Variants in ACSL3 observed in about 807,000 individuals in gnomAD.
The protein encoded by ACSL3 is fatty acid CoA ligase Acsl3.
A neutral mutation model predicts 84.7 loss-of-function variants in ACSL3; 34 were observed. The observed-to-expected ratio is 0.40, with a 90% CI of 0.31 to 0.53. The LOEUF (loss-of-function observed/expected upper bound fraction) is 0.53, where lower values mean the gene tolerates loss of function less well. ACSL3 is among the 20% of genes least tolerant of loss of function. ACSL3 has a pLI of 0.48. For missense variants in ACSL3, 680 were observed against 873.1 expected (o/e 0.78, Z 2.79); for synonymous variants, 315 against 299.4 (o/e 1.05, Z -0.54).
At chr2:222,869,116 A>AC (rs1695231643) in intron 1 of ACSL3, among the ~76,000 whole-genome samples, 1 of 152,170 alleles carries the variant, frequency 6.6e-6, no homozygotes, top group Non-Finnish European at 1.5e-5. Flanking sequence ...TTGTAATATG[A>AC]CCCTGATAAT....
rs1247534807 is a variant in ACSL3, at chr2:222,943,107, A to AAAC, written c.*1455_*1456insCAA. The AAAC allele has an allele frequency of 1.3e-3, 289 of 216,012 alleles. 3 individuals carry two copies. Among genetic ancestry groups the AAAC allele is most frequent in the African/African-American group, 4.2e-3 (176 of 41,496 alleles). The allele number at this position is 216,012 out of a possible 1,614,324, so 13.4% of individuals were successfully genotyped here. ...AATCAAAAAAAAAAAAAACAAAAACAAAAAAAAAGATGAACCTAGGTCTGT... is the reference window on the plus strand; with the variant it reads ...AATCAAAAAAAAAAAAAACAAAAACAAACAAAAAAAAGATGAACCTAGGTCTGT... On this transcript the variant is annotated 3_prime_UTR_variant, in exon 17 of 17. Coordinates refer to ENST00000357430, the MANE Select transcript of ACSL3 (RefSeq NM_004457.5).
intron 16 of ACSL3, among the ~76,000 whole-genome samples, chr2:222,935,187 T>C (rs1697138960): frequency 6.6e-6 from 1 of 152,082 alleles, no homozygotes; most frequent in Non-Finnish European, 1.5e-5. Flanking sequence ...CGTGAATTAT[T>C]TTTTATTTTA....
At position 222,924,697 on chromosome 2, in the gene ACSL3, A is replaced by G. The variant is rs150562556; in HGVS notation, c.1292+102A>G. 7,749 of 1,274,398 alleles carry G rather than the reference A, an allele frequency of 6.1e-3. 36 individuals are homozygous for G. Among genetic ancestry groups the G allele is most frequent in the Non-Finnish European group, 7.4e-3 (6,887 of 935,838 alleles). 78.9% of individuals were successfully genotyped at this position (1,274,398 alleles called of 1,614,324 possible). On this transcript the variant is annotated intron_variant, in intron 11 of 16. Coordinates refer to ENST00000357430, the MANE Select transcript of ACSL3 (RefSeq NM_004457.5). The stretch of plus-strand genomic sequence containing the variant: ...ATTGAGATAGTTATAAGAAAGAAAT[A>G]TATTTCATAAAGTCAAGAGAACTCT...
At chr2:222,935,986 A>T (rs10755041) in intron 16 of ACSL3, among the ~76,000 whole-genome samples, 124,859 of 152,062 alleles carry the variant, frequency 0.82, 51,485 homozygotes, top group East Asian at 0.96. Flanking sequence ...TGATTACTTG[A>T]GGTACTTCAT....
chr2:222,898,595 C>T (rs1057163141), intron 2 of ACSL3, among the ~76,000 whole-genome samples: 7 of 152,154 alleles, frequency 4.6e-5, no homozygotes, highest in Non-Finnish European at 8.8e-5. Flanking sequence ...GAGGCCGAGG[C>T]GGGCGGATCA....
At chr2:222,866,513 G>C (rs1388513763) in intron 1 of ACSL3, among the ~76,000 whole-genome samples, 2 of 152,186 alleles carry the variant, frequency 1.3e-5, no homozygotes, top group African/African-American at 4.8e-5. Context: ...CAATTTAAGT[G>C]ACTTGCACGA....
intron 1 of ACSL3, among the ~76,000 whole-genome samples, chr2:222,866,177 G>A (rs915086929): frequency 1.3e-5 from 2 of 151,302 alleles, no homozygotes; most frequent in Non-Finnish European, 2.9e-5. Flanking sequence ...ACGGAGTCTC[G>A]CTCTGTCCCC....
Position 222,921,302 on chromosome 2 carries a change from A to G in ACSL3, c.828A>G (p.Pro276=), listed in dbSNP as rs780784837. 2.1e-5 allele frequency: 33 copies of G among 1,597,254 alleles called. No individual in the cohort carries two copies. Among genetic ancestry groups the G allele is most frequent in the Non-Finnish European group, 2.7e-5 (31 of 1,166,038 alleles). ...ASMENQPHSK[P]LPSDIAVIMY... ...CAGAAAACCAACCTCATAGCAAACC[A>G]TTGCCCTCAGATATTGCAGTAATCA... Residue 276 remains proline (P), a synonymous_variant, in exon 8 of 17, where the codon CCA becomes CCG. Coordinates refer to ENST00000357430, the MANE Select transcript of ACSL3 (RefSeq NM_004457.5).
chr2:222,896,772 G>T (rs1405497346), intron 2 of ACSL3, among the ~76,000 whole-genome samples: 1 of 17,582 alleles, frequency 5.7e-5, no homozygotes, highest in Non-Finnish European at 9.0e-5. Context: ...CAGTAGGGGC[G>T]GCCGGGCAGA....
intron 2 of ACSL3, among the ~76,000 whole-genome samples, chr2:222,893,309 A>G (rs1216918499): frequency 6.6e-6 from 1 of 152,022 alleles, no homozygotes; most frequent in Admixed American, 6.6e-5. Flanking sequence ...CCTTTTCATG[A>G]TGGTGGTGGA....
At chr2:222,918,361 G>A (rs189897083) in intron 6 of ACSL3, among the ~76,000 whole-genome samples, 18 of 151,984 alleles carry the variant, frequency 1.2e-4, no homozygotes, top group African/African-American at 4.3e-4. Flanking sequence ...GTTATAAATT[G>A]TTAAGATGCC....
At chr2:222,937,399 A>G (rs184774869) in intron 16 of ACSL3, among the ~76,000 whole-genome samples, 1 of 152,094 alleles carries the variant, frequency 6.6e-6, no homozygotes, top group Non-Finnish European at 1.5e-5. Flanking sequence ...ATGAAAGTGG[A>G]GTATTGAAGT....
At chr2:222,907,865 C>T (rs1696335248) in intron 3 of ACSL3, among the ~76,000 whole-genome samples, 2 of 152,112 alleles carry the variant, frequency 1.3e-5, no homozygotes, top group African/African-American at 4.8e-5. Flanking sequence ...GCTCTCTCTT[C>T]CTTATGAGTC....
intron 2 of ACSL3, among the ~76,000 whole-genome samples, chr2:222,894,475 T>C (rs939964402): frequency 3.3e-5 from 5 of 152,256 alleles, no homozygotes; most frequent in African/African-American, 9.6e-5. Flanking sequence ...TCACACAATT[T>C]TATATTTCAA....
In ACSL3 at chr2:222,941,695, T is replaced by A; in HGVS notation, c.*41T>A. ...ATCAGTTTGCTACAGTGAGCTCAGA[T>A]CAAATAGGAAAATACTTGAAATGCA... On this transcript the variant is annotated 3_prime_UTR_variant, in exon 17 of 17. Transcript: ENST00000357430. The A allele has an allele frequency of 6.4e-7, 1 of 1,565,078 alleles. No homozygotes were observed. The highest frequency in any genetic ancestry group is 8.7e-7 in the Non-Finnish European group (1 of 1,154,340).
At chr2:222,922,537 A>G (rs949135725) in intron 8 of ACSL3, among the ~76,000 whole-genome samples, 171 bp from the exon 9 acceptor site, 2 of 140,228 alleles carry the variant, frequency 1.4e-5, no homozygotes, top group African/African-American at 5.4e-5. Context: ...GCATCTGCCT[A>G]TCCTCTGTTT....
At chr2:222,933,125 T>G in intron 14 of ACSL3, 41 bp from the exon 15 acceptor site, 1 of 1,167,636 alleles carries the variant, frequency 8.6e-7, no homozygotes, top group South Asian at 1.3e-5. Context: ...CTAATATTAT[T>G]ACTCATTGTT....
At chr2:222,923,008 G>A in intron 9 of ACSL3, 70 bp from the exon 10 acceptor site, 1 of 1,388,246 alleles carries the variant, frequency 7.2e-7, no homozygotes, top group Non-Finnish European at 1.0e-6. Flanking sequence ...TAGGCTTTTT[G>A]ATCTAAGAAT....
At chr2:222,913,150 A>T (rs140271201) in intron 4 of ACSL3, among the ~76,000 whole-genome samples, 122 of 152,362 alleles carry the variant, frequency 8.0e-4, no homozygotes, top group African/African-American at 2.7e-3. Context: ...ATGAGGGATT[A>T]TGTAATATGG....
Sources: allele counts gnomAD v4.1 joint callset (sites outside exome capture counted in the v4.1 genomes callset), GRCh38; gene constraint gnomAD v4.1.1; transcripts MANE v1.5; gene names NCBI Gene and HGNC (gene_info 2026-07-23, HGNC 2026-07-21).